The following PPP4R3B variants were observed in gnomAD, a reference collection of about 807,000 sequenced individuals.
PPP4R3B encodes the protein serine/threonine-protein phosphatase 4 regulatory subunit 3B.
PPP4R3B carries 52 observed loss-of-function variants against 95.4 expected under a neutral mutation model. That is an observed-to-expected ratio of 0.54 (90% confidence interval 0.44 to 0.69). The LOEUF (loss-of-function observed/expected upper bound fraction) is 0.69. Among genes scored for constraint, PPP4R3B ranks in the 30% least tolerant of loss-of-function variants. The pLI is 0.00. For missense variants in PPP4R3B, 1,003 were observed against 1,005.9 expected (o/e 1.00, Z 0.04); for synonymous variants, 407 against 343.9 (o/e 1.18, Z -2.03).
Position 55,564,982 on chromosome 2 carries a change from C to T in PPP4R3B, c.1995G>A (p.Ser665=), listed in dbSNP as rs779541105. 1.4e-5 allele frequency: 22 copies of T among 1,609,864 alleles called. No homozygotes were observed. Among genetic ancestry groups the T allele is most frequent in the Admixed American group, 8.4e-5 (5 of 59,448 alleles). Residue 665 remains serine, a synonymous_variant, in exon 14 of 17, where the codon TCG becomes TCA. Coordinates refer to ENST00000616407, the MANE Select transcript of PPP4R3B (RefSeq NM_001122964.3). ...CTTTGAATGTCTGAACATATTCAAT[C>T]GATTCAAGTGCTTTATAAAAGTTTT... ...IVENFYKALE[S]IEYVQTFKGL...
rs986514712 is a variant in PPP4R3B at position 55,617,555 on chromosome 2, C to T, written c.-270G>A. 1 of 372,530 alleles carries T rather than the reference C, an allele frequency of 2.7e-6. No individual in the cohort carries two copies. Among genetic ancestry groups the T allele is most frequent in the Non-Finnish European group, 4.9e-6 (1 of 204,924 alleles). The allele number at this position is 372,530 out of a possible 1,614,324, so 23.1% of individuals were successfully genotyped here. ...CTTTGCCCCCCAGGGCTCGCTTGCT[C>T]TCCCGCCGCCGCGGTAACTACTACA... On this transcript the variant is annotated 5_prime_UTR_variant, in exon 1 of 17. Transcript: ENST00000616407.
intron 4 of PPP4R3B, chr2:55,591,629 T>C (rs1396582697): frequency 1.8e-5 from 18 of 984,716 alleles, no homozygotes; most frequent in Non-Finnish European, 2.0e-5. Context: ...TCCAACTCCT[T>C]GATAAATGCA....
Position 55,578,233 on chromosome 2 carries a change from C to T in PPP4R3B, c.1564+14G>A, listed in dbSNP as rs772640754. On this transcript the variant is annotated intron_variant, in intron 10 of 16. Coordinates refer to ENST00000616407, the MANE Select transcript of PPP4R3B (RefSeq NM_001122964.3). ...AAGTAAATATAGGAGTGATACACTC[C>T]AAATTCAGCATACCTTGAGAGATGG... 4.6e-5 allele frequency: 64 copies of T among 1,402,188 alleles called. No individual in the cohort carries two copies. The highest frequency in any genetic ancestry group is 5.9e-5 in the Non-Finnish European group (63 of 1,075,066). 86.9% of individuals were successfully genotyped at this position (1,402,188 alleles called of 1,614,324 possible).
rs1339749536 is a variant in PPP4R3B, at chr2:55,558,875, C to T, written c.2354G>A (p.Gly785Glu). 2.5e-6 allele frequency: 4 copies of T among 1,613,990 alleles called. No individual in the cohort carries two copies. Among genetic ancestry groups the T allele is most frequent in the Non-Finnish European group, 3.4e-6 (4 of 1,179,946 alleles). Residue 785 changes from glycine (G) to glutamate (E), a missense_variant, in exon 16 of 17, where the codon GGA becomes GAA. Physicochemically the swap from Gly to Glu is moderately conservative, Grantham distance 98 (BLOSUM62 -2). Transcript: ENST00000616407. ...AGCCACTACAGATTTACTGTTTGTT[C>T]CATTAGCAGCACTGGCAGAGTGGGA... The part of the protein sequence containing the change: ...TFSHSASAAN[G>E]TNSKSVVAQI...
intron 4 of PPP4R3B, among the ~76,000 whole-genome samples, chr2:55,594,516 T>G (rs1465479524): frequency 6.6e-6 from 1 of 152,102 alleles, no homozygotes; most frequent in Admixed American, 6.5e-5. Context: ...ATAAAATACA[T>G]AAAATGACAA....
intron 13 of PPP4R3B, 92 bp from the exon 14 acceptor site, chr2:55,565,133 C>T (rs1687121512): frequency 4.8e-6 from 5 of 1,033,606 alleles, no homozygotes; most frequent in Non-Finnish European, 6.6e-6. Context: ...TAAAGCTGAT[C>T]AAAAAAGGTT....
Position 55,568,383 on chromosome 2 carries a change from G to A in PPP4R3B, c.1766-20C>T. ...GGGCACCTAATTAAAAATAATATAGGGAATAAGTTAATGATCTTACTAAAA... is the reference window on the plus strand; with the variant it reads ...GGGCACCTAATTAAAAATAATATAGAGAATAAGTTAATGATCTTACTAAAA... On this transcript the variant is annotated intron_variant, in intron 12 of 16. Transcript: ENST00000616407. 6.4e-7 allele frequency: 1 copy of A among 1,566,128 alleles called. No homozygotes were observed. The highest frequency in any genetic ancestry group is 8.7e-7 in the Non-Finnish European group (1 of 1,156,068).
intron 6 of PPP4R3B, among the ~76,000 whole-genome samples, chr2:55,586,064 C>G (rs572614875): frequency 3.3e-5 from 5 of 152,050 alleles, no homozygotes; most frequent in African/African-American, 1.2e-4. Flanking sequence ...ACTCTTTTCA[C>G]TAAATTTTTT....
intron 4 of PPP4R3B, among the ~76,000 whole-genome samples, chr2:55,589,653 C>T (rs1476877054): frequency 1.3e-5 from 2 of 152,032 alleles, no homozygotes; most frequent in Non-Finnish European, 2.9e-5. Flanking sequence ...CGGTGGCTCA[C>T]GCCCGTAATC....
In PPP4R3B at chr2:55,598,607, T is replaced by C; in HGVS notation, c.730A>G (p.Lys244Glu). The C allele has an allele frequency of 6.2e-7, 1 of 1,614,230 alleles. No homozygotes were observed. The highest frequency in any genetic ancestry group is 8.5e-7 in the Non-Finnish European group (1 of 1,180,044). The change falls in exon 4 of 17, where the codon AAA becomes GAA. Residue 244 changes from lysine to glutamate, a missense_variant. This residue lies in a region of PPP4R3B where 695 missense variants were observed against 686.2 expected (regional missense o/e 1.01). Coordinates refer to ENST00000616407, the MANE Select transcript of PPP4R3B (RefSeq NM_001122964.3). Reference protein sequence around the residue: ...QPKRHREFLTKTAKFKEVIPI... With the variant: ...QPKRHREFLTETAKFKEVIPI... ...ATAACTTCCTTGAACTTTGCAGTTT[T>C]GGTCAAGAATTCTCTATGTCTTTTT...
At chr2:55,597,104 GGAT>G (rs1465754008) in intron 4 of PPP4R3B, among the ~76,000 whole-genome samples, 2 of 152,136 alleles carry the variant, frequency 1.3e-5, no homozygotes, top group African/African-American at 4.8e-5. Flanking sequence ...TTTCTGTTTG[GGAT>G]GATGAAAAAG....
At position 55,558,155 on chromosome 2, in the gene PPP4R3B, T is replaced by A. The variant is rs190633031; in HGVS notation, c.2454+620A>T. On this transcript the variant is annotated intron_variant, in intron 16 of 16. Transcript: ENST00000616407. ...CACTCATACACAGTTTATGGTAACA[T>A]AAACTGGCATAGACTTTATGAAGAT... Among the ~76,000 whole-genome samples the A allele has an allele frequency of 1.4e-4, 22 of 152,222 alleles. No homozygotes were observed. The East Asian group carries it at 4.3e-3, about 29-fold the overall frequency.
At chr2:55,567,695 C>A (rs1687488786) in intron 13 of PPP4R3B, among the ~76,000 whole-genome samples, 1 of 152,144 alleles carries the variant, frequency 6.6e-6, no homozygotes, top group Admixed American at 6.5e-5. Context: ...GGATTACAGA[C>A]GTAAGCCACC....
intron 7 of PPP4R3B, among the ~76,000 whole-genome samples, chr2:55,582,145 A>C (rs1689526956): frequency 6.6e-6 from 1 of 152,192 alleles, no homozygotes; most frequent in Non-Finnish European, 1.5e-5. Context: ...ACAAAAAGAA[A>C]AAAAAGAAAA....
At position 55,617,151 on chromosome 2, in the gene PPP4R3B, C is replaced by G; in HGVS notation, c.135G>C (p.Glu45Asp). 2 of 1,611,960 alleles carry G rather than the reference C, an allele frequency of 1.2e-6. No homozygotes were observed. The highest frequency in any genetic ancestry group is 1.7e-6 in the Non-Finnish European group (2 of 1,179,170). The change falls in exon 1 of 17, where the codon GAG (glutamate) becomes GAC (aspartate). Residue 45 changes from glutamate (E) to aspartate (D), a missense_variant. Glu to Asp is a conservative substitution (Grantham distance 45, BLOSUM62 2). Transcript: ENST00000616407. ...LKGMSLLVRAESDGSLLLESK... is the reference protein window; with the variant it reads ...LKGMSLLVRADSDGSLLLESK... ...CAGTTCCGATAACCTTACCGTCGGACTCTGCCCGAACCAGCAGCGACATCC... is the reference window on the plus strand; with the variant it reads ...CAGTTCCGATAACCTTACCGTCGGAGTCTGCCCGAACCAGCAGCGACATCC...
chr2:55,564,462 C>G lies in PPP4R3B; in HGVS notation c.2111G>C (p.Arg704Thr). ...ATCCTCTTCCAAGGCTTTTGCATCT[C>G]TGCGAAATCTGTTACTACGCAATAT... Reference protein sequence around the residue: ...PSILRSNRFRRDAKALEEDEE... With the variant: ...PSILRSNRFRTDAKALEEDEE... Residue 704 changes from arginine to threonine, a missense_variant, in exon 15 of 17, where the codon AGA becomes ACA. Physicochemically the swap from Arg to Thr is moderately conservative, Grantham distance 71. This residue lies in a region of PPP4R3B where 229 missense variants were observed against 194.7 expected (regional missense o/e 1.18). Transcript: ENST00000616407. The G allele has an allele frequency of 6.2e-7, 1 of 1,612,286 alleles. No homozygotes were observed. Among genetic ancestry groups the G allele is most frequent in the Non-Finnish European group, 8.5e-7 (1 of 1,179,422 alleles).
chr2:55,572,342 C>G (rs1277468904), intron 12 of PPP4R3B, among the ~76,000 whole-genome samples: 3 of 152,060 alleles, frequency 2.0e-5, no homozygotes, highest in Admixed American at 6.6e-5. Context: ...AAGGCAAAGA[C>G]AAAAGACAAT....
intron 2 of PPP4R3B, chr2:55,614,126 T>C (rs772084382): frequency 6.6e-6 from 1 of 152,220 alleles, no homozygotes; most frequent in Non-Finnish European, 1.5e-5. Context: ...TGATTAAGAA[T>C]GTGTTATATA....
Position 55,603,933 on chromosome 2 carries a change from G to C in PPP4R3B, c.297+45C>G, listed in dbSNP as rs1693023278. ...AAGTAAAAAGGAAACAAAAATTCCA[G>C]AAAAGAAGCAAACATTAAGTTAAAT... On this transcript the variant is annotated intron_variant, in intron 3 of 16. Coordinates refer to ENST00000616407, the MANE Select transcript of PPP4R3B (RefSeq NM_001122964.3). 4 of 1,411,638 alleles carry C rather than the reference G, an allele frequency of 2.8e-6. No individual in the cohort carries two copies. The African/African-American group carries it at 5.8e-5, about 20-fold the overall frequency. 87.4% of individuals were successfully genotyped at this position (1,411,638 alleles called of 1,614,324 possible). A position where few individuals can be genotyped will look rare whatever the true frequency, so the allele number is the denominator to read the frequency against.
Sources: gnomAD v4.1 joint callset for allele counts (sites outside exome capture counted in the v4.1 genomes callset) on GRCh38, gnomAD v4.1.1 for gene constraint, gnomAD v4.1.1 regional missense constraint, MANE v1.5 for transcripts, NCBI Gene and HGNC (gene_info 2026-07-23, HGNC 2026-07-21) for gene names.